TENM3: variants seen among roughly 807,000 people sequenced by gnomAD.
TENM3 encodes the protein teneurin transmembrane protein 3.
In TENM3, 63 loss-of-function variants were observed where a neutral mutation model predicts 255.1. The ratio of observed to expected loss-of-function variants is 0.25; its 90% CI spans 0.20 to 0.30. The LOEUF (loss-of-function observed/expected upper bound fraction) is 0.30. Ranked by LOEUF, TENM3 falls within the 10% of genes least tolerant of loss-of-function variation. TENM3 has a pLI of 1.00. For synonymous variants in TENM3, 1,306 were observed against 1,322.3 expected (o/e 0.99, Z 0.27); for missense variants, 2,929 against 3,461.1 (o/e 0.85, Z 3.86).
chr4:181,923,040 C>G, the TENM3 span, among the ~76,000 whole-genome samples: 1 of 152,090 alleles, frequency 6.6e-6, no homozygotes. Context: ...TGTAGTTGAG[C>G]GGCTTTGAGT....
chr4:181,775,658 C>A, the TENM3 span, among the ~76,000 whole-genome samples: 252 of 152,314 alleles, frequency 1.7e-3, 1 homozygote, highest in Non-Finnish European at 3.1e-3. Flanking sequence ...TAAGCAGATG[C>A]TGAACCACCA....
chr4:181,663,512 TAC>T, the TENM3 span, among the ~76,000 whole-genome samples: 3 of 152,304 alleles, frequency 2.0e-5, no homozygotes, highest in East Asian at 5.8e-4. Flanking sequence ...GAAAAAATAT[TAC>T]AGTTTGGTTA....
At chr4:181,860,489 C>A in the TENM3 span, among the ~76,000 whole-genome samples, 4 of 152,140 alleles carry the variant, frequency 2.6e-5, no homozygotes, top group South Asian at 4.1e-4. Flanking sequence ...ATGCCATAGA[C>A]AATACAACCA....
At chr4:182,702,882 G>A (rs951369543) in intron 12 of TENM3, among the ~76,000 whole-genome samples, 9 of 151,198 alleles carry the variant, frequency 6.0e-5, no homozygotes, top group East Asian at 3.9e-4. Context: ...GACTACAGGC[G>A]CCCACCACCA....
the TENM3 span, among the ~76,000 whole-genome samples, chr4:181,646,429 GAC>G: frequency 6.6e-6 from 1 of 152,140 alleles, no homozygotes; most frequent in Non-Finnish European, 1.5e-5. Flanking sequence ...AAGGTGTTTT[GAC>G]AGAGTTATGT....
the TENM3 span, among the ~76,000 whole-genome samples, chr4:181,899,731 C>A: frequency 6.6e-6 from 1 of 151,840 alleles, no homozygotes; most frequent in Admixed American, 6.6e-5. Context: ...CCACACCCAG[C>A]TAGTTTTTGT....
the TENM3 span, among the ~76,000 whole-genome samples, chr4:181,886,629 C>A: frequency 2.0e-5 from 3 of 152,102 alleles, no homozygotes; most frequent in African/African-American, 7.2e-5. Context: ...TATGCACATG[C>A]ACTTAATATT....
the TENM3 span, among the ~76,000 whole-genome samples, chr4:182,020,243 G>T: frequency 6.6e-6 from 1 of 151,960 alleles, no homozygotes; most frequent in Admixed American, 6.6e-5. Context: ...GTGGGAGCCT[G>T]TAATCTCAGC....
intron 3 of TENM3, among the ~76,000 whole-genome samples, chr4:182,582,317 G>T (rs1455704761): frequency 1.3e-5 from 2 of 152,176 alleles, no homozygotes; most frequent in Admixed American, 6.5e-5. Flanking sequence ...AGTATGGAGA[G>T]CTTTGGGGTC....
At chr4:182,655,004 A>G (rs1422879589) in intron 6 of TENM3, among the ~76,000 whole-genome samples, 2 of 152,214 alleles carry the variant, frequency 1.3e-5, no homozygotes, top group Admixed American at 1.3e-4. Context: ...GTTCCAGAAG[A>G]ACTGTAAGCT....
the TENM3 span, among the ~76,000 whole-genome samples, chr4:181,657,471 C>T: frequency 3.3e-5 from 5 of 152,062 alleles, no homozygotes; most frequent in Non-Finnish European, 7.3e-5. Context: ...CAATAAGATA[C>T]CGTCTAACAC....
At chr4:181,615,603 T>C in the TENM3 span, among the ~76,000 whole-genome samples, 6 of 152,134 alleles carry the variant, frequency 3.9e-5, no homozygotes, top group Admixed American at 3.9e-4. Flanking sequence ...ACATCCAATA[T>C]AGTAACTCCC....
intron 3 of TENM3, among the ~76,000 whole-genome samples, chr4:182,389,798 G>T (rs1768292320): frequency 6.7e-6 from 1 of 148,960 alleles, no homozygotes; most frequent in South Asian, 2.1e-4. Context: ...CCATTCTCCT[G>T]CCTCAGCCTC....
intron 2 of TENM3, among the ~76,000 whole-genome samples, chr4:182,331,572 GCAT>G (rs1468038671): frequency 6.6e-6 from 1 of 152,008 alleles, no homozygotes; most frequent in African/African-American, 2.4e-5. Flanking sequence ...TACATGTACT[GCAT>G]TTTGACATAA....
chr4:181,778,916 T>C, the TENM3 span, among the ~76,000 whole-genome samples: 4 of 152,052 alleles, frequency 2.6e-5, no homozygotes, highest in African/African-American at 7.2e-5. Context: ...GAAATGAGGA[T>C]TTATAATAGG....
the TENM3 span, among the ~76,000 whole-genome samples, chr4:181,746,666 C>T: frequency 4.6e-5 from 7 of 151,974 alleles, no homozygotes; most frequent in Admixed American, 1.3e-4. Context: ...TTAGGTACCA[C>T]TTTATTTTTC....
At chr4:182,510,142 C>T (rs1159828170) in intron 3 of TENM3, among the ~76,000 whole-genome samples, 2 of 152,148 alleles carry the variant, frequency 1.3e-5, no homozygotes, top group African/African-American at 4.8e-5. Flanking sequence ...TTTACTGCTA[C>T]CACCATAGTT....
the TENM3 span, among the ~76,000 whole-genome samples, chr4:181,489,553 A>G: frequency 6.6e-6 from 1 of 152,186 alleles, no homozygotes; most frequent in Non-Finnish European, 1.5e-5. Context: ...AATCATCTGG[A>G]AGTCTCACTG....
chr4:182,393,705 T>C (rs1438247909), intron 3 of TENM3, among the ~76,000 whole-genome samples: 1 of 152,222 alleles, frequency 6.6e-6, no homozygotes, highest in Admixed American at 6.5e-5. Flanking sequence ...TCTAATATCC[T>C]GTTATGGATT....
Sources: gnomAD v4.1 joint callset for allele counts (sites outside exome capture counted in the v4.1 genomes callset) on GRCh38, gnomAD v4.1.1 for gene constraint, MANE v1.5 for transcripts, NCBI Gene and HGNC (gene_info 2026-07-23, HGNC 2026-07-21) for gene names.